AEN: variants seen among roughly 807,000 people sequenced by gnomAD.
The protein encoded by AEN is apoptosis enhancing nuclease.
In AEN, 21 loss-of-function variants were observed where a neutral mutation model predicts 17.7. That is an observed-to-expected ratio of 1.19 (90% CI 0.84 to 1.71). AEN has a LOEUF of 1.71. Ranked by LOEUF, AEN falls within the 40% of genes most tolerant of loss-of-function variation. The pLI is 0.00. For synonymous variants in AEN, 190 were observed against 173.0 expected (o/e 1.10, Z -0.77); for missense variants, 462 against 435.9 (o/e 1.06, Z -0.53).
intron 2 of AEN, chr15:88,627,229 C>G (rs2057866023): frequency 5.8e-6 from 1 of 172,326 alleles, no homozygotes; most frequent in Admixed American, 5.6e-5. Context: ...TTTTAACAAT[C>G]TAGGATCCTT....
chr15:88,629,456 G>A, intron 3 of AEN, 30 bp downstream of exon 3: 2 of 1,606,198 alleles, frequency 1.2e-6, no homozygotes, highest in Non-Finnish European at 1.7e-6. Flanking sequence ...CTGGAAGGGA[G>A]GGAGGCCCGC....
chr15:88,629,819 C>A lies in AEN; in HGVS notation c.742-239C>A, dbSNP rs1209468078. On this transcript the variant is annotated intron_variant, in intron 3 of 3. Transcript: ENST00000332810. ...GCTTCACATTTATTATTCATCTGATCTGCAAGCCTTTGAAGCAAGAGATTT... is the reference window on the plus strand; with the variant it reads ...GCTTCACATTTATTATTCATCTGATATGCAAGCCTTTGAAGCAAGAGATTT... Among the ~76,000 whole-genome samples, 3 of 152,208 alleles carry A rather than the reference C, an allele frequency of 2.0e-5. No homozygotes were observed. The East Asian group carries it at 5.8e-4, about 29-fold the overall frequency.
At chr15:88,621,726 AG>A (rs2057790684) in intron 1 of AEN, 1 of 152,202 alleles carries the variant, frequency 6.6e-6, no homozygotes, top group Non-Finnish European at 1.5e-5. Flanking sequence ...AGGTCGTGCC[AG>A]GATAGCAGAC....
At chr15:88,605,371 C>A in the AEN span, among the ~76,000 whole-genome samples, 1 of 152,208 alleles carries the variant, frequency 6.6e-6, no homozygotes, top group African/African-American at 2.4e-5. This position sits in a 1 kb window ranked among gnomAD's most constrained non-coding sequence, Gnocchi z 7.6. Flanking sequence ...CTTCTCGCCC[C>A]TGATTCTAGA....
chr15:88,623,941 T>G (rs2057818930), intron 1 of AEN, among the ~76,000 whole-genome samples: 1 of 152,256 alleles, frequency 6.6e-6, no homozygotes, highest in African/African-American at 2.4e-5. Context: ...TCCTCCACCC[T>G]GGGTTAGTCC....
the AEN span, among the ~76,000 whole-genome samples, chr15:88,615,421 T>C: frequency 6.6e-6 from 1 of 152,144 alleles, no homozygotes; most frequent in East Asian, 1.9e-4. Flanking sequence ...GGTGCCAGGC[T>C]GTGTCCTGGT....
chr15:88,605,813 C>T, the AEN span, among the ~76,000 whole-genome samples: 1 of 152,244 alleles, frequency 6.6e-6, no homozygotes, highest in African/African-American at 2.4e-5. This position sits in a 1 kb window ranked among gnomAD's most constrained non-coding sequence, Gnocchi z 7.6. Context: ...CCTGCAGCTT[C>T]AGCACCAGAG....
At chr15:88,610,304 G>A in the AEN span, among the ~76,000 whole-genome samples, 30 of 140,180 alleles carry the variant, frequency 2.1e-4, no homozygotes, top group African/African-American at 7.3e-4. Flanking sequence ...GAGGCACGGG[G>A]CTATTTTTTT....
At chr15:88,628,080 G>A (rs942538266) in intron 2 of AEN, 5 of 152,142 alleles carry the variant, frequency 3.3e-5, no homozygotes, top group African/African-American at 1.2e-4. Flanking sequence ...GAGGGGAGGT[G>A]TGTGGTGAAC....
Position 88,630,353 on chromosome 15 carries a change from G to A in AEN, c.*59G>A. Reference sequence around the variant, plus strand: ...TGTGGCCGGTAGGAAGTGGGGGCCAGGAGAGCAGCGGGCACTCCTTCCTGG... The same window carrying A: ...TGTGGCCGGTAGGAAGTGGGGGCCAAGAGAGCAGCGGGCACTCCTTCCTGG... On this transcript the variant is annotated 3_prime_UTR_variant, in exon 4 of 4. Coordinates refer to ENST00000332810, the MANE Select transcript of AEN (RefSeq NM_022767.4). The surrounding 1 kb of genome is among the most constrained non-coding windows in gnomAD (Gnocchi z 5.1). The A allele has an allele frequency of 6.8e-7, 1 of 1,472,582 alleles. No individual in the cohort carries two copies. Among genetic ancestry groups the A allele is most frequent in the Non-Finnish European group, 9.2e-7 (1 of 1,085,280 alleles). The allele number at this position is 1,472,582 out of a possible 1,614,324, so 91.2% of individuals were successfully genotyped here.
chr15:88,620,748 C>G (rs143190906), upstream of AEN, among the ~76,000 whole-genome samples: 3 of 152,260 alleles, frequency 2.0e-5, no homozygotes, highest in African/African-American at 4.8e-5. Flanking sequence ...TGCTGTTTCC[C>G]TGCTGTTAGA....
the AEN span, among the ~76,000 whole-genome samples, chr15:88,605,550 C>T: frequency 1.3e-5 from 2 of 152,242 alleles, no homozygotes. This position sits in a 1 kb window ranked among gnomAD's most constrained non-coding sequence, Gnocchi z 7.6. Flanking sequence ...GTAATCGCCC[C>T]AGTGCAAAGG....
At chr15:88,614,878 T>C in the AEN span, among the ~76,000 whole-genome samples, 1 of 151,796 alleles carries the variant, frequency 6.6e-6, no homozygotes, top group African/African-American at 2.4e-5. Flanking sequence ...TTTGTTGTTG[T>C]TGTTGTTGTT....
At chr15:88,618,381 C>A (rs1035452806), upstream of AEN, among the ~76,000 whole-genome samples, 13 of 152,174 alleles carry the variant, frequency 8.5e-5, no homozygotes, top group African/African-American at 2.7e-4. Context: ...CTTGTTAACT[C>A]TAAAAAATTT....
intron 2 of AEN, chr15:88,627,455 GTTTC>G (rs953428561): frequency 5.8e-5 from 7 of 120,858 alleles, no homozygotes; most frequent in African/African-American, 1.2e-4. Context: ...TACGCATCTT[GTTTC>G]TTTTTTTTTT....
At chr15:88,625,467 T>A (rs1457556837) in intron 1 of AEN, among the ~76,000 whole-genome samples, 1 of 152,212 alleles carries the variant, frequency 6.6e-6, no homozygotes, top group African/African-American at 2.4e-5. Context: ...ATCACGCCAC[T>A]GCACTTCAGC....
the AEN span, chr15:88,612,032 C>T: frequency 2.4e-6 from 1 of 408,380 alleles, no homozygotes; most frequent in South Asian, 1.8e-5. Context: ...TCTCAGGTCA[C>T]CACCCTAAAC....
chr15:88,626,424 C>T lies in AEN; in HGVS notation c.215C>T (p.Thr72Ile). 3 of 1,613,298 alleles carry T rather than the reference C, an allele frequency of 1.9e-6. 1 individual carries two copies. The highest frequency in any genetic ancestry group is 4.5e-5 in the East Asian group (2 of 44,870). The change falls in exon 2 of 4, where the codon ACA becomes ATA. Residue 72 changes from threonine to isoleucine, a missense_variant. By Grantham distance (89) the Thr-to-Ile change is moderately conservative. Transcript: ENST00000332810. ...CTGCCCACCCCTTTCGGGGCAGCGA[C>T]AGCAACTGAAGCTGCCAGCAGTGGG... ...SPLPTPFGAA[T>I]ATEAASSGKQ...
chr15:88,606,311 G>A, the AEN span, among the ~76,000 whole-genome samples: 1 of 151,734 alleles, frequency 6.6e-6, no homozygotes, highest in East Asian at 2.0e-4. Context: ...TGGGGTGGAG[G>A]GAGAAGATAT....
Sources: allele counts gnomAD v4.1 joint callset (sites outside exome capture counted in the v4.1 genomes callset), GRCh38; gene constraint gnomAD v4.1.1; non-coding constraint Gnocchi (gnomAD v3.1); transcripts MANE v1.5; gene names NCBI Gene and HGNC (gene_info 2026-07-23, HGNC 2026-07-21).